NAALADL2: variants seen among roughly 807,000 people sequenced by gnomAD.
NAALADL2 encodes the protein inactive N-acetylated-alpha-linked acidic dipeptidase-like protein 2.
A neutral mutation model predicts 87.2 loss-of-function variants in NAALADL2; 76 were observed. That is an observed-to-expected ratio of 0.87 (90% CI 0.72 to 1.05). The LOEUF (loss-of-function observed/expected upper bound fraction) is 1.05, where lower values mean the gene tolerates loss of function less well. Ranked by LOEUF, NAALADL2 falls within the 50% of genes least tolerant of loss-of-function variation. The pLI is 0.00. For missense variants in NAALADL2, 1,089 were observed against 945.8 expected, an observed-to-expected ratio of 1.15 and a Z score of -1.99; for synonymous variants, 354 against 331.0, an observed-to-expected ratio of 1.07 and a Z score of -0.75.
At chr3:175,411,512 G>C (rs1229922516) in intron 5 of NAALADL2, among the ~76,000 whole-genome samples, 1 of 151,798 alleles carries the variant, frequency 6.6e-6, no homozygotes, top group Non-Finnish European at 1.5e-5. Context: ...AATGTAATGA[G>C]AGCTTAAGAC....
chr3:175,341,330 T>C (rs1762548300), intron 5 of NAALADL2, among the ~76,000 whole-genome samples: 1 of 152,172 alleles, frequency 6.6e-6, no homozygotes, highest in Non-Finnish European at 1.5e-5. Context: ...CAGGTATCAG[T>C]ACTTTATTTC....
At chr3:175,520,486 G>A (rs921204795) in intron 9 of NAALADL2, among the ~76,000 whole-genome samples, 1 of 151,542 alleles carries the variant, frequency 6.6e-6, no homozygotes, top group Non-Finnish European at 1.5e-5. Context: ...TTTTAGTAGA[G>A]ACGGGGTTTC....
At chr3:174,512,020 TAA>T (rs1279689499) in intron 1 of NAALADL2, among the ~76,000 whole-genome samples, 5 of 152,154 alleles carry the variant, frequency 3.3e-5, no homozygotes, top group Admixed American at 3.3e-4. Flanking sequence ...CAATTATTTT[TAA>T]AGTGTTTAAA....
At chr3:174,838,279 G>A (rs931309034) in intron 3 of NAALADL2, among the ~76,000 whole-genome samples, 1 of 151,964 alleles carries the variant, frequency 6.6e-6, no homozygotes, top group Non-Finnish European at 1.5e-5. Context: ...CAAATCCTTC[G>A]ACAAAATCCA....
At chr3:175,750,786 A>G (rs1296139084) in intron 12 of NAALADL2, among the ~76,000 whole-genome samples, 1 of 152,126 alleles carries the variant, frequency 6.6e-6, no homozygotes, top group African/African-American at 2.4e-5. Context: ...CATTTATTTC[A>G]TGTGACAATT....
At chr3:175,584,805 G>C (rs1304434591) in intron 10 of NAALADL2, among the ~76,000 whole-genome samples, 1 of 152,176 alleles carries the variant, frequency 6.6e-6, no homozygotes, top group African/African-American at 2.4e-5. Context: ...TGGTACACAT[G>C]TATAGGGCAC....
At chr3:175,736,569 G>C (rs1744530472) in intron 11 of NAALADL2, among the ~76,000 whole-genome samples, 1 of 152,170 alleles carries the variant, frequency 6.6e-6, no homozygotes, top group Admixed American at 6.5e-5. Context: ...CTTTTTACTG[G>C]AGGGTATAAC....
intron 10 of NAALADL2, among the ~76,000 whole-genome samples, chr3:175,620,476 G>C (rs1314802700): frequency 2.0e-5 from 3 of 152,174 alleles, no homozygotes; most frequent in African/African-American, 7.2e-5. Flanking sequence ...GGAGTCCCGG[G>C]GTCTCGGCCC....
intron 3 of NAALADL2, among the ~76,000 whole-genome samples, chr3:174,754,293 G>A (rs2109049078): frequency 6.6e-6 from 1 of 152,136 alleles, no homozygotes; most frequent in South Asian, 2.1e-4. Context: ...TTACACAGAA[G>A]TATAATAAAA....
chr3:174,580,177 G>A (rs541841224), intron 2 of NAALADL2, among the ~76,000 whole-genome samples: 2 of 152,008 alleles, frequency 1.3e-5, no homozygotes, highest in African/African-American at 4.8e-5. Context: ...TAACAGAAAA[G>A]GGTCATTTGA....
intron 4 of NAALADL2, among the ~76,000 whole-genome samples, chr3:175,292,217 G>A (rs1755724469): frequency 6.6e-6 from 1 of 152,074 alleles, no homozygotes. Flanking sequence ...ATTCTTACAT[G>A]AATTTAAATG....
chr3:174,919,992 A>G (rs1301789736), intron 1 of NAALADL2, among the ~76,000 whole-genome samples: 1 of 152,168 alleles, frequency 6.6e-6, no homozygotes, highest in Non-Finnish European at 1.5e-5. Context: ...TTTCTGAGCA[A>G]TAGGTCTCGA....
chr3:175,417,433 G>A (rs901082947), intron 5 of NAALADL2, among the ~76,000 whole-genome samples: 6 of 151,826 alleles, frequency 4.0e-5, no homozygotes, highest in African/African-American at 4.8e-5. Context: ...CTGTCAACTG[G>A]AATAAACGAT....
intron 1 of NAALADL2, among the ~76,000 whole-genome samples, chr3:175,080,834 G>A (rs1198064483): frequency 6.6e-6 from 1 of 152,102 alleles, no homozygotes; most frequent in African/African-American, 2.4e-5. Flanking sequence ...AAACAATTTA[G>A]ATTCATAAAA....
At chr3:174,747,224 A>G (rs1477402946) in intron 3 of NAALADL2, among the ~76,000 whole-genome samples, 1 of 152,138 alleles carries the variant, frequency 6.6e-6, no homozygotes, top group Non-Finnish European at 1.5e-5. Context: ...ACTTAAACAA[A>G]TTTACAAGAA....
chr3:174,655,749 C>T (rs1724852256), intron 2 of NAALADL2, among the ~76,000 whole-genome samples: 1 of 152,006 alleles, frequency 6.6e-6, no homozygotes, highest in Non-Finnish European at 1.5e-5. Context: ...ATATTAAAAA[C>T]ATACTGTCTA....
In NAALADL2 at chr3:174,516,866, A is replaced by T. The variant is rs187984124; in HGVS notation, c.-183-33703A>T. On this transcript the variant is annotated intron_variant, in intron 1 of 3. Transcript: ENST00000434257. ...GTCATTTCTGTAAATGTTGTTATATATACAAAGAATAGTGATTTTGAAATT... is the reference window on the plus strand; with the variant it reads ...GTCATTTCTGTAAATGTTGTTATATTTACAAAGAATAGTGATTTTGAAATT... Among the ~76,000 whole-genome samples, 29 of 152,124 alleles carry T rather than the reference A, an allele frequency of 1.9e-4. No individual in the cohort carries two copies. In the East Asian group the frequency reaches 5.2e-3, roughly 27 times the overall value.
intron 11 of NAALADL2, among the ~76,000 whole-genome samples, chr3:175,653,758 T>C (rs1384431634): frequency 6.6e-6 from 1 of 152,180 alleles, no homozygotes; most frequent in African/African-American, 2.4e-5. Flanking sequence ...TCACAAGACT[T>C]TCATGAGGTT....
chr3:175,717,377 T>C (rs942514385), intron 11 of NAALADL2, among the ~76,000 whole-genome samples: 1 of 152,138 alleles, frequency 6.6e-6, no homozygotes, highest in Non-Finnish European at 1.5e-5. Context: ...CACAAGATTT[T>C]TTGTTTTTTT....
Sources: allele counts gnomAD v4.1 joint callset (sites outside exome capture counted in the v4.1 genomes callset), GRCh38; gene constraint gnomAD v4.1.1; transcripts MANE v1.5; gene names NCBI Gene and HGNC (gene_info 2026-07-23, HGNC 2026-07-21).